The following ZDHHC18 variants were observed in gnomAD, a reference collection of about 807,000 sequenced individuals.
The protein encoded by ZDHHC18 is zDHHC palmitoyltransferase 18, also known as palmitoyltransferase ZDHHC18.
A neutral mutation model predicts 37.5 loss-of-function variants in ZDHHC18; 23 were observed. The ratio of observed to expected loss-of-function variants is 0.61; its 90% CI spans 0.44 to 0.87. ZDHHC18 has a LOEUF of 0.87. Among genes scored for constraint, ZDHHC18 ranks in the 40% least tolerant of loss-of-function variants. The pLI is 0.00. For missense variants in ZDHHC18, 406 were observed against 525.6 expected (o/e 0.77, Z 2.22); for synonymous variants, 185 against 218.7 (o/e 0.85, Z 1.36).
At chr1:26,836,250 C>T (rs1272109205) in intron 2 of ZDHHC18, among the ~76,000 whole-genome samples, 2 of 152,174 alleles carry the variant, frequency 1.3e-5, no homozygotes, top group African/African-American at 4.8e-5. Context: ...TCTCCACTGC[C>T]ATACACCAGC....
At position 26,837,460 on chromosome 1, in the gene ZDHHC18, A is replaced by T. The variant is rs187703419; in HGVS notation, c.496+4853A>T. ...TTAACATATTTAATATATTATGTATATTATTTATTTATTTATTTATTTATT... is the reference window on the plus strand; with the variant it reads ...TTAACATATTTAATATATTATGTATTTTATTTATTTATTTATTTATTTATT... On this transcript the variant is annotated intron_variant, in intron 2 of 7. Transcript: ENST00000374142. 3.7e-3 allele frequency among the ~76,000 whole-genome samples: 541 copies of T among 144,972 alleles called. 7 individuals are homozygous for T. The highest frequency in any genetic ancestry group is 0.019 in the South Asian group (90 of 4,680).
chr1:26,850,184 G>T lies in ZDHHC18; in HGVS notation c.647-117G>T. On this transcript the variant is annotated intron_variant, in intron 3 of 7. Coordinates refer to ENST00000374142, the MANE Select transcript of ZDHHC18 (RefSeq NM_032283.3). The surrounding 1 kb of genome is among the most constrained non-coding windows in gnomAD (Gnocchi z 6.1). ...AGGTGTGTCCAAGGCCTGGGAGCCA[G>T]CTGGTGCTGCGAGAGTGAACGGGGT... is the stretch of plus-strand genomic sequence containing the variant. The T allele has an allele frequency of 7.4e-7, 1 of 1,343,162 alleles. No individual in the cohort carries two copies. The allele number at this position is 1,343,162 out of a possible 1,614,324, so 83.2% of individuals were successfully genotyped here.
In ZDHHC18 at chr1:26,850,433, C is replaced by T. The variant is rs375154740; in HGVS notation, c.779C>T (p.Thr260Met). The T allele has an allele frequency of 1.6e-5, 26 of 1,613,940 alleles. No homozygotes were observed. The highest frequency in any genetic ancestry group is 6.7e-5 in the African/African-American group (5 of 74,856). Residue 260 changes from threonine to methionine, a missense_variant, in exon 4 of 8, where the codon ACG becomes ATG. By Grantham distance (81) the Thr-to-Met change is moderately conservative. Transcript: ENST00000374142. The surrounding 1 kb of genome is among the most constrained non-coding windows in gnomAD (Gnocchi z 6.1). The stretch of plus-strand genomic sequence containing the variant: ...TTCGCCTGTGTGGTCACCCACCTGA[C>T]GTTGCGTGAGTTGTGGGTGAGGGCA... ...FIFACVVTHL[T>M]LRAQGSNFLS...
At position 26,850,999 on chromosome 1, in the gene ZDHHC18, G is replaced by A. The variant is rs1426107768; in HGVS notation, c.834-130G>A. The A allele has an allele frequency of 1.2e-6, 1 of 840,554 alleles. No homozygotes were observed. Among genetic ancestry groups the A allele is most frequent in the Non-Finnish European group, 1.9e-6 (1 of 517,270 alleles). The allele number at this position is 840,554 out of a possible 1,614,324, so 52.1% of individuals were successfully genotyped here. Reference sequence around the variant, plus strand: ...TGATCCTGCTAAGAAGTGGGGACTGGGCCACAGGAAGGTTCCAAAACTTCT... The same window carrying A: ...TGATCCTGCTAAGAAGTGGGGACTGAGCCACAGGAAGGTTCCAAAACTTCT... On this transcript the variant is annotated intron_variant, in intron 5 of 7. Transcript: ENST00000374142. This position sits in a 1 kb window ranked among gnomAD's most constrained non-coding sequence, Gnocchi z 6.1.
intron 1 of ZDHHC18, among the ~76,000 whole-genome samples, chr1:26,829,285 C>G (rs954273578): frequency 1.1e-4 from 16 of 152,118 alleles, no homozygotes; most frequent in African/African-American, 2.9e-4. Flanking sequence ...CAGCAGGGCT[C>G]CCAACTTCTG....
In ZDHHC18 at chr1:26,856,379, C is replaced by T. The variant is rs547620368; in HGVS notation, c.*2536C>T. 8.7e-6 allele frequency: 3 copies of T among 346,570 alleles called. No homozygotes were observed. The highest frequency in any genetic ancestry group is 1.9e-5 in the Non-Finnish European group (3 of 159,368). 21.5% of individuals were successfully genotyped at this position (346,570 alleles called of 1,614,324 possible). On this transcript the variant is annotated 3_prime_UTR_variant, in exon 8 of 8. Coordinates refer to ENST00000374142, the MANE Select transcript of ZDHHC18 (RefSeq NM_032283.3). The surrounding 1 kb of genome is among the most constrained non-coding windows in gnomAD (Gnocchi z 5.2). ...CCGTCCATCTGTCTGGTGTGTGGTG[C>T]GGTGTGTGTGCTGGTGGTGGTAGGG...
In ZDHHC18 at chr1:26,848,630, C is replaced by G; in HGVS notation, c.519C>G (p.Tyr173Ter). 2 of 1,613,634 alleles carry G rather than the reference C, an allele frequency of 1.2e-6. No homozygotes were observed. The highest frequency in any genetic ancestry group is 1.7e-5 in the Admixed American group (1 of 60,012). The change falls in exon 3 of 8, where the codon TAC (tyrosine) becomes TAG (stop). Residue 173 changes from tyrosine (Y) to a stop codon, truncating the protein, a stop_gained. Coordinates refer to ENST00000374142, the MANE Select transcript of ZDHHC18 (RefSeq NM_032283.3). LOFTEE classifies it high-confidence loss of function. ...CAGACAACACAGGCAGTTCTACATACCGGCCACCCCCTCGGACCCGGGAGG... is the reference window on the plus strand; with the variant it reads ...CAGACAACACAGGCAGTTCTACATAGCGGCCACCCCCTCGGACCCGGGAGG... ...KQIDNTGSSTYRPPPRTREVL... is the reference protein window; with the variant it reads ...KQIDNTGSST
At chr1:26,833,549 C>T (rs1248984611) in intron 2 of ZDHHC18, among the ~76,000 whole-genome samples, 2 of 152,104 alleles carry the variant, frequency 1.3e-5, no homozygotes, top group South Asian at 2.1e-4. Context: ...GTGTGAGGAA[C>T]GGCAGTGGCT....
At chr1:26,835,932 A>T (rs1485074139) in intron 2 of ZDHHC18, among the ~76,000 whole-genome samples, 2 of 151,980 alleles carry the variant, frequency 1.3e-5, no homozygotes, top group African/African-American at 4.8e-5. Flanking sequence ...CCCTGTGGGG[A>T]CAGTCTGAGG....
At chr1:26,837,762 G>A (rs1214640193) in intron 2 of ZDHHC18, among the ~76,000 whole-genome samples, 4 of 152,060 alleles carry the variant, frequency 2.6e-5, no homozygotes, top group Non-Finnish European at 4.4e-5. Flanking sequence ...TTACAGGCAT[G>A]ATCCACCGTG....
At position 26,827,097 on chromosome 1, in the gene ZDHHC18, T is replaced by TG; in HGVS notation, c.294dup (p.Leu99AlafsTer14). 7.1e-7 allele frequency: 1 copy of TG among 1,412,720 alleles called. No individual in the cohort carries two copies. Among genetic ancestry groups the TG allele is most frequent in the Non-Finnish European group, 9.2e-7 (1 of 1,085,994 alleles). The allele number at this position is 1,412,720 out of a possible 1,614,324, so 87.5% of individuals were successfully genotyped here. ...CACGGCGGCGTCTTCGCGCTCACGC[T>TG]GCTGCTCATCCTCACCACCACCGGC... On this transcript the variant is annotated frameshift_variant, in exon 1 of 8. Coordinates refer to ENST00000374142, the MANE Select transcript of ZDHHC18 (RefSeq NM_032283.3). LOFTEE classifies it high-confidence loss of function.
At chr1:26,831,234 A>C (rs1022646372) in intron 1 of ZDHHC18, among the ~76,000 whole-genome samples, 4 of 152,194 alleles carry the variant, frequency 2.6e-5, no homozygotes, top group African/African-American at 9.6e-5. Context: ...GGAATCTGAG[A>C]AAAGGAACAG....
chr1:26,847,614 A>G (rs1261608515), intron 2 of ZDHHC18, among the ~76,000 whole-genome samples: 1 of 151,666 alleles, frequency 6.6e-6, no homozygotes, highest in East Asian at 1.9e-4. Context: ...TCCATGATGT[A>G]TTGCATTTGT....
Position 26,827,168 on chromosome 1 carries a change from C to T in ZDHHC18, c.335+29C>T. 2.2e-6 allele frequency: 3 copies of T among 1,342,036 alleles called. No homozygotes were observed. The South Asian group carries it at 5.6e-5, about 25-fold the overall frequency. The allele number at this position is 1,342,036 out of a possible 1,614,324, so 83.1% of individuals were successfully genotyped here. A position where few individuals can be genotyped will look rare whatever the true frequency, so the allele number is the denominator to read the frequency against. On this transcript the variant is annotated intron_variant, in intron 1 of 7. Coordinates refer to ENST00000374142, the MANE Select transcript of ZDHHC18 (RefSeq NM_032283.3). ...AGTTCCGCTGCCTCGGCGCCCCCTC[C>T]CAGCCCCCTGCCGCGCACCCCACCT...
Position 26,851,172 on chromosome 1 carries a change from C to T in ZDHHC18, c.877C>T (p.Leu293=). ...VICFFSIWSI[L]GLSGFHTYLV... ...CTGCTTCTTCTCCATCTGGTCCATT[C>T]TGGGCCTCTCAGGGTTTCACACGTA... Residue 293 remains leucine (L), a synonymous_variant, in exon 6 of 8, where the codon CTG becomes TTG. Transcript: ENST00000374142. The T allele has an allele frequency of 6.2e-7, 1 of 1,614,236 alleles. No homozygotes were observed. The highest frequency in any genetic ancestry group is 1.3e-5 in the African/African-American group (1 of 75,058).
intron 1 of ZDHHC18, among the ~76,000 whole-genome samples, chr1:26,827,890 C>T (rs901058842): frequency 2.0e-5 from 3 of 152,178 alleles, no homozygotes; most frequent in African/African-American, 7.2e-5. Flanking sequence ...CTCCCAGGCC[C>T]CTGGCCCCCC....
intron 1 of ZDHHC18, among the ~76,000 whole-genome samples, chr1:26,829,571 G>A (rs1270298456): frequency 2.6e-5 from 4 of 151,994 alleles, no homozygotes; most frequent in African/African-American, 4.8e-5. Flanking sequence ...CTCATTTATC[G>A]CTCTCTGAAG....
chr1:26,848,513 C>T, intron 2 of ZDHHC18, 95 bp from the exon 3 acceptor site: 1 of 1,513,376 alleles, frequency 6.6e-7, no homozygotes, highest in Non-Finnish European at 9.0e-7. Context: ...GAGGCTTCTC[C>T]TGGACTGGCC....
intron 1 of ZDHHC18, among the ~76,000 whole-genome samples, chr1:26,830,389 A>G (rs1207333680): frequency 2.0e-5 from 3 of 152,230 alleles, no homozygotes. Flanking sequence ...AGTGGGGAGC[A>G]TAACTTCACA....
Sources: allele counts gnomAD v4.1 joint callset (sites outside exome capture counted in the v4.1 genomes callset), GRCh38; gene constraint gnomAD v4.1.1; non-coding constraint Gnocchi (gnomAD v3.1); transcripts MANE v1.5; gene names NCBI Gene and HGNC (gene_info 2026-07-23, HGNC 2026-07-21).